HYDIN: variants seen among roughly 807,000 people sequenced by gnomAD.
HYDIN encodes the protein axonemal central pair apparatus protein HYDIN.
A neutral mutation model predicts 403.9 loss-of-function variants in HYDIN; 132 were observed. The observed-to-expected ratio is 0.33, with a 90% CI of 0.28 to 0.38. The LOEUF is 0.38. Ranked by LOEUF, HYDIN falls within the 10% of genes least tolerant of loss-of-function variation. The probability of loss-of-function intolerance (pLI) is 1.00; values close to 1 mark genes in which losing one functional copy is unlikely to be tolerated. For synonymous variants in HYDIN, 1,202 were observed against 1,891.7 expected, an observed-to-expected ratio of 0.64 and a Z score of 9.46; for missense variants, 2,827 against 5,009.5, an observed-to-expected ratio of 0.56 and a Z score of 13.15.
intron 47 of HYDIN, among the ~76,000 whole-genome samples, chr16:70,909,342 G>A (rs1250776476): frequency 4.6e-5 from 7 of 152,004 alleles, no homozygotes; most frequent in African/African-American, 9.7e-5. Flanking sequence ...TTAATAAGAA[G>A]TTCCCATTTT....
intron 1 of HYDIN, among the ~76,000 whole-genome samples, chr16:71,189,165 GA>G (rs1449103959): frequency 2.0e-5 from 3 of 152,100 alleles, no homozygotes; most frequent in Non-Finnish European, 2.9e-5. Flanking sequence ...CCTATTCTAG[GA>G]ATCTATCCAA....
At chr16:71,038,208 G>A (rs2081158954) in intron 18 of HYDIN, among the ~76,000 whole-genome samples, 1 of 152,402 alleles carries the variant, frequency 6.6e-6, no homozygotes, top group East Asian at 1.9e-4. Context: ...GACCACTGGT[G>A]ATGAGTGTTA....
intron 5 of HYDIN, among the ~76,000 whole-genome samples, chr16:71,169,825 A>T (rs774547041): frequency 6.6e-6 from 1 of 152,216 alleles, no homozygotes; most frequent in East Asian, 1.9e-4. Context: ...AAAAAAAATT[A>T]TAAGTATGTG....
chr16:70,892,857 C>CTTTCTGCA (rs2041555949), intron 55 of HYDIN, among the ~76,000 whole-genome samples: 1 of 152,230 alleles, frequency 6.6e-6, no homozygotes, highest in South Asian at 2.1e-4. Context: ...TTGTGTCTGT[C>CTTTCTGCA]TGGCTTTCAG....
intron 15 of HYDIN, among the ~76,000 whole-genome samples, chr16:71,066,058 T>C (rs910746469): frequency 1.1e-4 from 16 of 152,148 alleles, no homozygotes; most frequent in Admixed American, 3.9e-4. Context: ...AGAGGGCTTA[T>C]ACTACTTGAC....
At chr16:70,985,049 T>A (rs1027033954) in intron 28 of HYDIN, 136 bp downstream of exon 28, 8 of 846,138 alleles carry the variant, frequency 9.5e-6, no homozygotes, top group South Asian at 4.0e-5. Context: ...GGATTTATTT[T>A]TTTTTTCTGC....
intron 84 of HYDIN, among the ~76,000 whole-genome samples, chr16:70,810,716 G>A (rs1276098339): frequency 2.0e-5 from 3 of 152,138 alleles, no homozygotes; most frequent in Non-Finnish European, 2.9e-5. Flanking sequence ...TGTAGTCCCA[G>A]CTACTCGGGA....
intron 23 of HYDIN, among the ~76,000 whole-genome samples, chr16:70,992,559 G>T (rs2079392714): frequency 6.7e-6 from 1 of 148,570 alleles, no homozygotes; most frequent in Admixed American, 6.8e-5. Context: ...GCCTGGCCTG[G>T]AATAAGTAGT....
At chr16:70,962,161 A>C in intron 37 of HYDIN, 23 bp from the exon 38 acceptor site, 2 of 683,016 alleles carry the variant, frequency 2.9e-6, no homozygotes, top group Non-Finnish European at 4.8e-6. Flanking sequence ...AAAGGATGAA[A>C]ACACCAGGGG....
At position 71,015,217 on chromosome 16, in the gene HYDIN, A is replaced by G. The variant is rs564692828; in HGVS notation, c.3644+2912T>C. On this transcript the variant is annotated intron_variant, in intron 23 of 85. Coordinates refer to ENST00000393567, the MANE Select transcript of HYDIN (RefSeq NM_001270974.2). Reference sequence around the variant, plus strand: ...TTCTGACTGACTCTCTGATTGAGTAAATGAATCAACAAACAAGTTATAAGC... The same window carrying G: ...TTCTGACTGACTCTCTGATTGAGTAGATGAATCAACAAACAAGTTATAAGC... 2.0e-5 allele frequency among the ~76,000 whole-genome samples: 3 copies of G among 151,946 alleles called. No individual in the cohort carries two copies. In the South Asian group the frequency reaches 6.3e-4, roughly 32 times the overall value.
intron 1 of HYDIN, chr16:71,203,799 C>A (rs764600): frequency 2.2e-6 from 1 of 455,654 alleles, no homozygotes; most frequent in Admixed American, 2.4e-5. Context: ...GAACAGATAA[C>A]AGAAAATAGT....
chr16:70,931,214 T>G (rs1257845786), intron 45 of HYDIN, among the ~76,000 whole-genome samples: 1 of 105,494 alleles, frequency 9.5e-6, no homozygotes, highest in African/African-American at 4.0e-5. Flanking sequence ...TCTTCTGTTT[T>G]TTTTTTTTTT....
chr16:71,200,426 T>TGA (rs1242227787), intron 1 of HYDIN, among the ~76,000 whole-genome samples: 3 of 152,220 alleles, frequency 2.0e-5, no homozygotes, highest in Non-Finnish European at 4.4e-5. Context: ...AAAAGTCTAC[T>TGA]GAGAGCATGG....
At chr16:70,847,106 G>A (rs112999027) in intron 75 of HYDIN, among the ~76,000 whole-genome samples, 3,800 of 150,998 alleles carry the variant, frequency 0.025, 135 homozygotes, top group African/African-American at 0.088. Flanking sequence ...TGGTGATTTT[G>A]CTCGTTAGTT....
At chr16:71,228,493 C>T (rs1206920559) in intron 1 of HYDIN, among the ~76,000 whole-genome samples, 5 of 152,154 alleles carry the variant, frequency 3.3e-5, no homozygotes, top group Non-Finnish European at 7.3e-5. Flanking sequence ...AAAAAGTGGG[C>T]AAAGGATATG....
chr16:70,817,988 G>C (rs1356140923), intron 84 of HYDIN, among the ~76,000 whole-genome samples: 1 of 152,056 alleles, frequency 6.6e-6, no homozygotes. Flanking sequence ...GTGATCTGCC[G>C]TCCCTGGCCT....
At chr16:71,041,658 AC>A (rs1568042648) in intron 18 of HYDIN, among the ~76,000 whole-genome samples, 1 of 152,238 alleles carries the variant, frequency 6.6e-6, no homozygotes, top group Non-Finnish European at 1.5e-5. Flanking sequence ...CAGACAGACC[AC>A]ACACACCATA....
chr16:71,132,704 C>T (rs1031785574), intron 8 of HYDIN: 5 of 151,648 alleles, frequency 3.3e-5, no homozygotes, highest in African/African-American at 7.3e-5. Flanking sequence ...AATTCGAAAA[C>T]GCTGGTCTTC....
At chr16:71,158,155 G>T (rs2085850262) in intron 6 of HYDIN, among the ~76,000 whole-genome samples, 1 of 152,206 alleles carries the variant, frequency 6.6e-6, no homozygotes, top group East Asian at 1.9e-4. Context: ...ACATGTACCT[G>T]AGGGCAAACA....
Sources: gnomAD v4.1 joint callset for allele counts (sites outside exome capture counted in the v4.1 genomes callset) on GRCh38, gnomAD v4.1.1 for gene constraint, MANE v1.5 for transcripts, NCBI Gene and HGNC (gene_info 2026-07-23, HGNC 2026-07-21) for gene names.